RINT1: variants seen among roughly 807,000 people sequenced by gnomAD.
RINT1 encodes RAD50-interacting protein 1.
A neutral mutation model predicts 97.7 loss-of-function variants in RINT1; 75 were observed. That is an observed-to-expected ratio of 0.77 (90% CI 0.64 to 0.93). RINT1 has a LOEUF of 0.93. RINT1 is among the 40% of genes least tolerant of loss of function. The pLI, the probability that RINT1 is intolerant of heterozygous loss-of-function variation, is 0.00. For missense variants in RINT1, 892 were observed against 925.2 expected, an observed-to-expected ratio of 0.96 and a Z score of 0.47; for synonymous variants, 303 against 326.3, an observed-to-expected ratio of 0.93 and a Z score of 0.77.
At chr7:105,559,307 G>A (rs745853126) in intron 11 of RINT1, among the ~76,000 whole-genome samples, 27 of 151,472 alleles carry the variant, frequency 1.8e-4, no homozygotes, top group Non-Finnish European at 2.4e-4. Flanking sequence ...TTTGGAGGCC[G>A]AGGCAGGCGG....
intron 9 of RINT1, 29 bp from the exon 10 acceptor site, chr7:105,551,541 T>C (rs74743812): frequency 1.9e-6 from 3 of 1,547,692 alleles, no homozygotes; most frequent in South Asian, 1.2e-5. Context: ...AACTACTTAA[T>C]TGACATAATT....
chr7:105,539,067 C>T (rs1358628496), intron 3 of RINT1, among the ~76,000 whole-genome samples: 1 of 152,164 alleles, frequency 6.6e-6, no homozygotes, highest in Non-Finnish European at 1.5e-5. Context: ...TACTTTTTGT[C>T]ATTCATCTTT....
chr7:105,532,742 G>T (rs1399487419), intron 1 of RINT1, 82 bp from the exon 2 acceptor site: 3 of 1,447,608 alleles, frequency 2.1e-6, no homozygotes, highest in African/African-American at 1.4e-5. Flanking sequence ...CTTGCCTCCA[G>T]TGGGTGCCCT....
chr7:105,560,812 C>T (rs1791407036), intron 11 of RINT1, among the ~76,000 whole-genome samples: 1 of 151,930 alleles, frequency 6.6e-6, no homozygotes, highest in Admixed American at 6.6e-5. Flanking sequence ...CTTCTGCCTC[C>T]CAGGTTCAAG....
At chr7:105,555,733 C>T (rs771751337) in intron 11 of RINT1, among the ~76,000 whole-genome samples, 5 of 152,164 alleles carry the variant, frequency 3.3e-5, no homozygotes, top group Admixed American at 6.5e-5. Context: ...TTAATCCCAG[C>T]ACTTTAGGAG....
intron 3 of RINT1, among the ~76,000 whole-genome samples, chr7:105,538,305 T>G (rs936577190): frequency 2.6e-5 from 4 of 152,162 alleles, no homozygotes; most frequent in Non-Finnish European, 5.9e-5. Context: ...TAAAACATTT[T>G]TATCATATAG....
intron 4 of RINT1, among the ~76,000 whole-genome samples, chr7:105,545,737 C>T (rs901066929): frequency 3.3e-5 from 5 of 150,194 alleles, no homozygotes; most frequent in Non-Finnish European, 7.4e-5. Flanking sequence ...ACCAAGTTGG[C>T]CAGGCTGGTC....
rs1790243977 is a variant in RINT1, at chr7:105,536,581, A to T, written c.105A>T (p.Thr35=). Residue 35 remains threonine (T), a synonymous_variant, in exon 3 of 15, where the codon ACA becomes ACT. Transcript: ENST00000257700. The stretch of plus-strand genomic sequence containing the variant: ...TTGTTGTAGGTGACATAAATGTTAC[A>T]GTTCTTATTGGAAGTAAACAAGTCA... ...NLEEKSDINV[T]VLIGSKQVSE... is the part of the protein sequence containing the mutation. 1 of 1,597,800 alleles carries T rather than the reference A, an allele frequency of 6.3e-7. No individual in the cohort carries two copies. The highest frequency in any genetic ancestry group is 1.3e-5 in the African/African-American group (1 of 74,378).
At chr7:105,559,279 G>A (rs1049153512) in intron 11 of RINT1, among the ~76,000 whole-genome samples, 5 of 151,816 alleles carry the variant, frequency 3.3e-5, no homozygotes, top group South Asian at 2.1e-4. Flanking sequence ...GGTAGTTGTC[G>A]CCTATAATCC....
intron 10 of RINT1, among the ~76,000 whole-genome samples, chr7:105,552,686 T>TTC (rs1211294635): frequency 7.0e-6 from 1 of 142,094 alleles, no homozygotes; most frequent in Non-Finnish European, 1.5e-5. Context: ...TTTTTTTTTT[T>TTC]TTTTTGAGAT....
intron 14 of RINT1, chr7:105,566,280 C>T (rs992129527): frequency 6.6e-6 from 1 of 152,062 alleles, no homozygotes; most frequent in African/African-American, 2.4e-5. Context: ...ACCTAATAGG[C>T]CAGGCCTGAA....
chr7:105,554,441 CTTT>C (rs371511372), intron 10 of RINT1, among the ~76,000 whole-genome samples: 2 of 140,894 alleles, frequency 1.4e-5, no homozygotes. Context: ...TTTTTTCTTT[CTTT>C]TTTTTTTTTT....
chr7:105,555,312 A>G, intron 11 of RINT1, 85 bp downstream of exon 11: 1 of 1,108,934 alleles, frequency 9.0e-7, no homozygotes, highest in Non-Finnish European at 1.3e-6. Flanking sequence ...AATCTATTGC[A>G]AGCAAAAATA....
chr7:105,537,571 T>G (rs1372138796), intron 3 of RINT1, among the ~76,000 whole-genome samples: 1 of 151,964 alleles, frequency 6.6e-6, no homozygotes, highest in Non-Finnish European at 1.5e-5. Flanking sequence ...GGCTCACACC[T>G]GTAATCCCAG....
chr7:105,548,157 A>C (rs1790755945), intron 6 of RINT1, among the ~76,000 whole-genome samples: 1 of 152,064 alleles, frequency 6.6e-6, no homozygotes, highest in African/African-American at 2.4e-5. Context: ...CTTCCTGTGT[A>C]GCTGGGACTA....
intron 14 of RINT1, 116 bp from the exon 15 acceptor site, chr7:105,566,997 ATATTTT>A (rs1210585981): frequency 2.0e-6 from 1 of 505,842 alleles, no homozygotes; most frequent in East Asian, 3.3e-5. Flanking sequence ...AAATCCATAA[ATATTTT>A]TATAGAGAAC....
chr7:105,539,829 A>G (rs1028720312), intron 3 of RINT1, among the ~76,000 whole-genome samples: 1 of 152,144 alleles, frequency 6.6e-6, no homozygotes, highest in African/African-American at 2.4e-5. Context: ...TAGCCTGTCT[A>G]TTTTATTGCA....
chr7:105,562,473 C>T (rs938586782), intron 11 of RINT1, among the ~76,000 whole-genome samples: 4 of 152,200 alleles, frequency 2.6e-5, no homozygotes, highest in African/African-American at 9.6e-5. Flanking sequence ...GCCTCAGCCT[C>T]TTAAAGTGCT....
At chr7:105,547,107 T>C in intron 5 of RINT1, 24 bp downstream of exon 5, 1 of 1,612,994 alleles carries the variant, frequency 6.2e-7, no homozygotes, top group South Asian at 1.1e-5. Context: ...CCATATTTTG[T>C]GGTAATTGCT....
Sources: gnomAD v4.1 joint callset for allele counts (sites outside exome capture counted in the v4.1 genomes callset) on GRCh38, gnomAD v4.1.1 for gene constraint, MANE v1.5 for transcripts, NCBI Gene and HGNC (gene_info 2026-07-23, HGNC 2026-07-21) for gene names.